The following TCHHL1 variants were observed in gnomAD, a reference collection of about 807,000 sequenced individuals.
TCHHL1 encodes the protein trichohyalin-like protein 1.
In TCHHL1, 1 loss-of-function variant was observed where a neutral mutation model predicts 3.5. The observed-to-expected ratio is 0.29, with a 90% CI of 0.10 to 1.36. The LOEUF (loss-of-function observed/expected upper bound fraction) is 1.36. Among genes scored for constraint, TCHHL1 ranks in the 40% most tolerant of loss-of-function variants. The pLI, the probability that TCHHL1 is intolerant of heterozygous loss-of-function variation, is 0.43. For synonymous variants in TCHHL1, 405 were observed against 375.3 expected, an observed-to-expected ratio of 1.08 and a Z score of -0.92; for missense variants, 1,027 against 1,032.8, an observed-to-expected ratio of 0.99 and a Z score of 0.08.
At position 152,085,326 on chromosome 1, in the gene TCHHL1, G is replaced by T; in HGVS notation, c.2356C>A (p.Gln786Lys). 6.2e-7 allele frequency: 1 copy of T among 1,614,142 alleles called. No homozygotes were observed. Among genetic ancestry groups the T allele is most frequent in the Non-Finnish European group, 8.5e-7 (1 of 1,180,032 alleles). ...CCCCTCTCCACAGAACAGGGCTCTT[G>T]GTCTCTCTGCATCTGCTTTTCAAGA... ...SSLEKQMQRD[Q>K]EPCSVERGAV... The change falls in exon 3 of 3, where the codon CAA becomes AAA. Residue 786 changes from glutamine (Q) to lysine (K), a missense_variant. Physicochemically the swap from Gln to Lys is moderately conservative, Grantham distance 53. This residue lies in a region of TCHHL1 where 673 missense variants were observed against 658.6 expected (regional missense o/e 1.02). Coordinates refer to ENST00000368806, the MANE Select transcript of TCHHL1 (RefSeq NM_001008536.2).
rs1335432440 is a variant in TCHHL1, at chr1:152,085,757, C to G, written c.1925G>C (p.Gly642Ala). Residue 642 changes from glycine to alanine, a missense_variant, in exon 3 of 3, where the codon GGC becomes GCC. By Grantham distance (60) the Gly-to-Ala change is moderately conservative. Transcript: ENST00000368806. ...ATTGGGCTCCACAGCTGCACCTGGG[C>G]CTTTGGTCCCTGGGCCTTGATTCTT... is the stretch of plus-strand genomic sequence containing the variant. ...EHKNQGPGTK[G>A]PGAAVEPNGH... 3.1e-6 allele frequency: 5 copies of G among 1,614,046 alleles called. No individual in the cohort carries two copies. Among genetic ancestry groups the G allele is most frequent in the Non-Finnish European group, 4.2e-6 (5 of 1,180,038 alleles).
rs1315712880 is a variant in TCHHL1 at position 152,087,516 on chromosome 1, T to C, written c.166A>G (p.Asn56Asp). 6.3e-7 allele frequency: 1 copy of C among 1,598,288 alleles called. No individual in the cohort carries two copies. The highest frequency in any genetic ancestry group is 1.7e-5 in the Admixed American group (1 of 59,782). Residue 56 changes from asparagine (N) to aspartate (D), a missense_variant, in exon 3 of 3, where the codon AAT becomes GAT. Physicochemically the swap from Asn to Asp is conservative, Grantham distance 23. Coordinates refer to ENST00000368806, the MANE Select transcript of TCHHL1 (RefSeq NM_001008536.2). ...CTGTCAATATTCAGAAGATTTGAAT[T>C]TTTTTCCACAGCATGAAGGACACAG... ...QPCVLHAVEK[N>D]SNLLNIDSNG...
intron 1 of TCHHL1, 95 bp from the exon 2 acceptor site, chr1:152,088,258 T>G: frequency 9.5e-7 from 1 of 1,051,202 alleles, no homozygotes; most frequent in South Asian, 1.9e-5. Context: ...CCATCTCCAC[T>G]GCAACCCCTG....
At position 152,086,674 on chromosome 1, in the gene TCHHL1, T is replaced by C. The variant is rs766843815; in HGVS notation, c.1008A>G (p.Pro336=). Residue 336 remains proline, a synonymous_variant, in exon 3 of 3, where the codon CCA becomes CCG. Transcript: ENST00000368806. ...DVCRMFDTQE[P]GKDADQTPAK... Reference sequence around the variant, plus strand: ...CTGGTGTCTGGTCAGCATCCTTTCCTGGTTCTTGAGTGTCAAACATTCTAC... The same window carrying C: ...CTGGTGTCTGGTCAGCATCCTTTCCCGGTTCTTGAGTGTCAAACATTCTAC... 3 of 1,614,208 alleles carry C rather than the reference T, an allele frequency of 1.9e-6. No individual in the cohort carries two copies. Among genetic ancestry groups the C allele is most frequent in the Admixed American group, 1.7e-5 (1 of 60,028 alleles).
Position 152,087,168 on chromosome 1 carries a change from C to T in TCHHL1, c.514G>A (p.Ala172Thr), listed in dbSNP as rs775384178. ...TTCTTAGGATCATTGTGTTCAGATG[C>T]TTCTCCTGGAAAGTTGTGAGTCTTG... Reference protein sequence around the residue: ...EAKTHNFPGEASEHNDPKNKH... With the variant: ...EAKTHNFPGETSEHNDPKNKH... Residue 172 changes from alanine (A) to threonine (T), a missense_variant, in exon 3 of 3, where the codon GCA becomes ACA. Physicochemically the swap from Ala to Thr is moderately conservative, Grantham distance 58. Coordinates refer to ENST00000368806, the MANE Select transcript of TCHHL1 (RefSeq NM_001008536.2). 1 of 1,614,222 alleles carries T rather than the reference C, an allele frequency of 6.2e-7. No individual in the cohort carries two copies. Among genetic ancestry groups the T allele is most frequent in the Non-Finnish European group, 8.5e-7 (1 of 1,180,028 alleles).
Position 152,087,433 on chromosome 1 carries a change from G to A in TCHHL1, c.249C>T (p.Leu83=). Reference sequence around the variant, plus strand: ...GTAATGATTTTATGTCAAGATAACAGAGGTTCAACAAGTTGAAGATTGCAA... The same window carrying A: ...GTAATGATTTTATGTCAAGATAACAAAGGTTCAACAAGTTGAAGATTGCAA... ...FVLAIFNLLN[L]CYLDIKSLLS... is the part of the protein sequence containing the mutation. The change falls in exon 3 of 3, where the codon CTC becomes CTT. Residue 83 remains leucine (L), a synonymous_variant. Coordinates refer to ENST00000368806, the MANE Select transcript of TCHHL1 (RefSeq NM_001008536.2). 1 of 1,610,406 alleles carries A rather than the reference G, an allele frequency of 6.2e-7. No individual in the cohort carries two copies. Among genetic ancestry groups the A allele is most frequent in the South Asian group, 1.1e-5 (1 of 91,070 alleles).
rs1358702740 is a variant in TCHHL1, at chr1:152,085,975, C to T, written c.1707G>A (p.Val569=). ...CCCCTTGACTCTGGGAGTCCCCTTG[C>T]ACAGGCAGTTCACCTGTCTCTGAGC... is the stretch of plus-strand genomic sequence containing the variant. ...NSSSETGELP[V]QGDSQSQGDQ... The change falls in exon 3 of 3, where the codon GTG becomes GTA. Residue 569 remains valine, a synonymous_variant. Transcript: ENST00000368806. 2 of 1,614,122 alleles carry T rather than the reference C, an allele frequency of 1.2e-6. No homozygotes were observed. Among genetic ancestry groups the T allele is most frequent in the African/African-American group, 1.3e-5 (1 of 74,942 alleles).
Position 152,085,585 on chromosome 1 carries a change from T to A in TCHHL1, c.2097A>T (p.Leu699Phe), listed in dbSNP as rs554977997. Residue 699 changes from leucine to phenylalanine, a missense_variant, in exon 3 of 3, where the codon TTA (leucine) becomes TTT (phenylalanine). By Grantham distance (22) the Leu-to-Phe change is conservative (BLOSUM62 0). Transcript: ENST00000368806. ...LPGKGDSRNE[L>F]KVQGPSSKEE... Reference sequence around the variant, plus strand: ...CTTTGCTACTTGGGCCTTGGACCTTTAATTCATTTCTGCTATCTCCCTTTC... The same window carrying A: ...CTTTGCTACTTGGGCCTTGGACCTTAAATTCATTTCTGCTATCTCCCTTTC... The A allele has an allele frequency of 1.4e-4, 229 of 1,614,116 alleles. No homozygotes were observed. Among genetic ancestry groups the A allele is most frequent in the Middle Eastern group, 6.6e-4 (4 of 6,084 alleles).
In TCHHL1 at chr1:152,086,202, C is replaced by T. The variant is rs573540377; in HGVS notation, c.1480G>A (p.Gly494Arg). The T allele has an allele frequency of 6.2e-7, 1 of 1,614,198 alleles. No individual in the cohort carries two copies. Among genetic ancestry groups the T allele is most frequent in the East Asian group, 2.2e-5 (1 of 44,888 alleles). Residue 494 changes from glycine to arginine, a missense_variant, in exon 3 of 3, where the codon GGG (glycine) becomes AGG (arginine). Around this residue, in one of 3 missense-constraint regions of TCHHL1, gnomAD observed 673 missense variants for 658.6 expected, o/e 1.02. Transcript: ENST00000368806. ...AAATCTTGTGTTCTTTCTCTTGCCC[C>T]CAGTGTCCTTTCTGCTGCAGGTGCG... ...KNAPAAERTLGARERTQDLAP... is the reference protein window; with the variant it reads ...KNAPAAERTLRARERTQDLAP...
Position 152,086,318 on chromosome 1 carries a change from G to C in TCHHL1, c.1364C>G (p.Thr455Ser). 1.9e-6 allele frequency: 3 copies of C among 1,614,148 alleles called. No homozygotes were observed. Among genetic ancestry groups the C allele is most frequent in the Non-Finnish European group, 2.5e-6 (3 of 1,180,036 alleles). Residue 455 changes from threonine (T) to serine (S), a missense_variant, in exon 3 of 3, where the codon ACT (threonine) becomes AGT (serine). By Grantham distance (58) the Thr-to-Ser change is moderately conservative. Transcript: ENST00000368806. ...QYLSSEGGDQ[T>S]HPELEGTAVS... Reference sequence around the variant, plus strand: ...TGCTGTTCCTTCAAGTTCAGGGTGAGTCTGATCTCCTCCTTCTGAGCTTAG... The same window carrying C: ...TGCTGTTCCTTCAAGTTCAGGGTGACTCTGATCTCCTCCTTCTGAGCTTAG...
chr1:152,085,293 A>G lies in TCHHL1; in HGVS notation c.2389T>C (p.Tyr797His), dbSNP rs373623431. The G allele has an allele frequency of 3.3e-4, 529 of 1,614,182 alleles. 9 individuals are homozygous for G. The South Asian group carries it at 5.3e-3, about 16-fold the overall frequency. The change falls in exon 3 of 3, where the codon TAT (tyrosine) becomes CAT (histidine). Residue 797 changes from tyrosine (Y) to histidine (H), a missense_variant. Around this residue, in one of 3 missense-constraint regions of TCHHL1, gnomAD observed 673 missense variants for 658.6 expected, o/e 1.02. Coordinates refer to ENST00000368806, the MANE Select transcript of TCHHL1 (RefSeq NM_001008536.2). ...AGGTACTGGTATAGTGGACTGGAAT[A>G]GACTGCACCCCTCTCCACAGAACAG... ...EPCSVERGAV[Y>H]SSPLYQYLQE...
chr1:152,086,598 T>C lies in TCHHL1; in HGVS notation c.1084A>G (p.Thr362Ala), dbSNP rs1216826561. Residue 362 changes from threonine to alanine, a missense_variant, in exon 3 of 3, where the codon ACC (threonine) becomes GCC (alanine). Coordinates refer to ENST00000368806, the MANE Select transcript of TCHHL1 (RefSeq NM_001008536.2). Reference sequence around the variant, plus strand: ...TTTGTTTCACATTCTTTTTCTTGGGTCTCAGATGTTCTGCCATAATCCTCA... The same window carrying C: ...TTTGTTTCACATTCTTTTTCTTGGGCCTCAGATGTTCTGCCATAATCCTCA... ...EPEDYGRTSE[T>A]QEKECETKDL... 1 of 1,614,154 alleles carries C rather than the reference T, an allele frequency of 6.2e-7. No homozygotes were observed. The highest frequency in any genetic ancestry group is 1.7e-5 in the Admixed American group (1 of 60,020).
At position 152,085,023 on chromosome 1, in the gene TCHHL1, G is replaced by C; in HGVS notation, c.2659C>G (p.His887Asp). 6.2e-7 allele frequency: 1 copy of C among 1,614,088 alleles called. No individual in the cohort carries two copies. Among genetic ancestry groups the C allele is most frequent in the Non-Finnish European group, 8.5e-7 (1 of 1,180,018 alleles). ...AGTACCAGCCTCTCTCTCTGAGGGT[G>C]ACCTTGCTTATCTTCCAAGGCCTGG... ...APQALEDKQG[H>D]PQRERLVLQR... is the part of the protein sequence containing the mutation. Residue 887 changes from histidine to aspartate, a missense_variant, in exon 3 of 3, where the codon CAC becomes GAC. By Grantham distance (81) the His-to-Asp change is moderately conservative. Coordinates refer to ENST00000368806, the MANE Select transcript of TCHHL1 (RefSeq NM_001008536.2).
At position 152,085,085 on chromosome 1, in the gene TCHHL1, T is replaced by A; in HGVS notation, c.2597A>T (p.Asp866Val). The A allele has an allele frequency of 6.2e-7, 1 of 1,614,004 alleles. No individual in the cohort carries two copies. The highest frequency in any genetic ancestry group is 8.5e-7 in the Non-Finnish European group (1 of 1,180,022). ...SQPYTRGLPL[D>V]ESPAGAQETP... is the part of the protein sequence containing the mutation. ...TTCCTGTGCACCAGCAGGACTCTCA[T>A]CAAGTGGAAGTCCCCTGGTATATGG... The change falls in exon 3 of 3, where the codon GAT becomes GTT. Residue 866 changes from aspartate (D) to valine (V), a missense_variant. Coordinates refer to ENST00000368806, the MANE Select transcript of TCHHL1 (RefSeq NM_001008536.2).
chr1:152,084,723 G>A lies in TCHHL1; in HGVS notation c.*244C>T. The A allele has an allele frequency of 2.1e-6, 1 of 470,934 alleles. No homozygotes were observed. Among genetic ancestry groups the A allele is most frequent in the Non-Finnish European group, 3.7e-6 (1 of 268,056 alleles). 29.2% of individuals were successfully genotyped at this position (470,934 alleles called of 1,614,324 possible). A position where few individuals can be genotyped will look rare whatever the true frequency, so the allele number is the denominator to read the frequency against. On this transcript the variant is annotated 3_prime_UTR_variant, in exon 3 of 3. Transcript: ENST00000368806. ...AATGACAGGTACATTGAGATAAACT[G>A]TCTCATGACAAAGCCCATTTTGGCA...
chr1:152,086,162 T>C lies in TCHHL1; in HGVS notation c.1520A>G (p.Lys507Arg). 2.5e-6 allele frequency: 4 copies of C among 1,614,206 alleles called. No individual in the cohort carries two copies. The Admixed American group carries it at 5.0e-5, about 20-fold the overall frequency. Residue 507 changes from lysine (K) to arginine (R), a missense_variant, in exon 3 of 3, where the codon AAG becomes AGG. This residue lies in a region of TCHHL1 where 673 missense variants were observed against 658.6 expected (regional missense o/e 1.02). Transcript: ENST00000368806. ...ERTQDLAPLE[K>R]QSVGENTRVT... is the part of the protein sequence containing the mutation. The stretch of plus-strand genomic sequence containing the variant: ...CCTAGTATTTTCTCCTACAGACTGC[T>C]TCTCAAGTGGTGCTAAATCTTGTGT...
chr1:152,086,057 C>G lies in TCHHL1; in HGVS notation c.1625G>C (p.Ser542Thr), dbSNP rs769186126. Residue 542 changes from serine to threonine, a missense_variant, in exon 3 of 3, where the codon AGT becomes ACT. Transcript: ENST00000368806. ...GEDPESPFTQ[S>T]DEGSSETPNS... ...GGGAGTTTCAGAAGACCCCTCATCA[C>G]TCTGTGTGAATGGTGACTCAGGGTC... is the stretch of plus-strand genomic sequence containing the variant. The G allele has an allele frequency of 1.2e-6, 2 of 1,614,072 alleles. No homozygotes were observed. Among genetic ancestry groups the G allele is most frequent in the South Asian group, 1.1e-5 (1 of 91,088 alleles).
In TCHHL1 at chr1:152,086,286, CT is replaced by C. The variant is rs1421661143; in HGVS notation, c.1395del (p.Gly466GlufsTer16). 9 of 1,614,100 alleles carry C rather than the reference CT, an allele frequency of 5.6e-6. No homozygotes were observed. In the Admixed American group the frequency reaches 1.0e-4, roughly 18 times the overall value. ...TCTTTGGTGTGTTCTGCCTCTTCTC[CT>C]GAGACTGCTGTTCCTTCAAGTTCAG... ...THPELEGTAV[S>X]GEEAEHTKEG... is the part of the protein sequence containing the mutation. On this transcript the variant is annotated frameshift_variant, in exon 3 of 3. Coordinates refer to ENST00000368806, the MANE Select transcript of TCHHL1 (RefSeq NM_001008536.2). LOFTEE classifies it low-confidence loss of function (END_TRUNC).
rs1657749953 is a variant in TCHHL1, at chr1:152,087,196, T to A, written c.486A>T (p.Glu162Asp). ...VGNNRVDPWREAKTHNFPGEA... is the reference protein window; with the variant it reads ...VGNNRVDPWRDAKTHNFPGEA... ...CTCCTGGAAAGTTGTGAGTCTTGGC[T>A]TCTCTCCATGGGTCCACTCTGTTAT... Residue 162 changes from glutamate to aspartate, a missense_variant, in exon 3 of 3, where the codon GAA becomes GAT. Physicochemically the swap from Glu to Asp is conservative, Grantham distance 45. Around this residue, in one of 3 missense-constraint regions of TCHHL1, gnomAD observed 338 missense variants for 335.9 expected, o/e 1.01. Transcript: ENST00000368806. 2 of 1,614,064 alleles carry A rather than the reference T, an allele frequency of 1.2e-6. No homozygotes were observed. The highest frequency in any genetic ancestry group is 2.2e-5 in the South Asian group (2 of 91,084).
Sources: allele counts gnomAD v4.1 joint callset, GRCh38; gene constraint gnomAD v4.1.1; regional missense constraint gnomAD v4.1.1; transcripts MANE v1.5; gene names NCBI Gene and HGNC (gene_info 2026-07-23, HGNC 2026-07-21).